The following MAGI2 variants were observed in gnomAD, a reference collection of about 807,000 sequenced individuals.
The protein encoded by MAGI2 is membrane associated guanylate kinase, WW and PDZ domain containing 2, also known as membrane-associated guanylate kinase, WW and PDZ domain-containing protein 2.
In MAGI2, 35 loss-of-function variants were observed where a neutral mutation model predicts 133.3. The ratio of observed to expected loss-of-function variants is 0.26; its 90% CI spans 0.20 to 0.35. The LOEUF (loss-of-function observed/expected upper bound fraction) is 0.35. Ranked by LOEUF, MAGI2 falls within the 10% of genes least tolerant of loss-of-function variation. MAGI2 has a pLI of 1.00. For synonymous variants in MAGI2, 729 were observed against 710.6 expected, an observed-to-expected ratio of 1.03 and a Z score of -0.41; for missense variants, 1,636 against 1,863.4, an observed-to-expected ratio of 0.88 and a Z score of 2.25.
chr7:78,262,314 T>C (rs1454414483), intron 9 of MAGI2, among the ~76,000 whole-genome samples: 4 of 152,212 alleles, frequency 2.6e-5, no homozygotes, highest in Admixed American at 6.5e-5. Flanking sequence ...TGTGTTACTT[T>C]ATAAATGACA....
intron 2 of MAGI2, among the ~76,000 whole-genome samples, chr7:78,989,284 A>C (rs1311214318): frequency 6.6e-6 from 1 of 152,094 alleles, no homozygotes; most frequent in Non-Finnish European, 1.5e-5. Flanking sequence ...ACCACCCGTC[A>C]TACTTTTATT....
At position 78,486,623 on chromosome 7, in the gene MAGI2, T is replaced by C. The variant is rs138933388; in HGVS notation, c.1045+3138A>G. 2,351 of 307,232 alleles carry C rather than the reference T, an allele frequency of 7.7e-3. 28 individuals carry two copies. Among genetic ancestry groups the C allele is most frequent in the South Asian group, 0.025 (632 of 24,854 alleles). 19.0% of individuals were successfully genotyped at this position (307,232 alleles called of 1,614,324 possible). Reference sequence around the variant, plus strand: ...AGATTGGGAGTTGTGGGTGCAGTGATTGAAGGAGGAATATCAGTCCCTTAT... The same window carrying C: ...AGATTGGGAGTTGTGGGTGCAGTGACTGAAGGAGGAATATCAGTCCCTTAT... On this transcript the variant is annotated intron_variant, in intron 6 of 21. Coordinates refer to ENST00000354212, the MANE Select transcript of MAGI2 (RefSeq NM_012301.4).
chr7:78,469,134 T>G (rs897928183), intron 6 of MAGI2, among the ~76,000 whole-genome samples: 1 of 152,170 alleles, frequency 6.6e-6, no homozygotes, highest in Non-Finnish European at 1.5e-5. Context: ...ATTTGACACC[T>G]TACACAAATA....
intron 10 of MAGI2, among the ~76,000 whole-genome samples, chr7:78,232,275 T>G (rs927109167): frequency 6.6e-6 from 1 of 152,228 alleles, no homozygotes; most frequent in African/African-American, 2.4e-5. Context: ...AGGATGATCC[T>G]TAGTTTATGA....
chr7:78,223,594 T>C (rs1414367883), intron 10 of MAGI2, among the ~76,000 whole-genome samples: 2 of 152,150 alleles, frequency 1.3e-5, no homozygotes, highest in African/African-American at 4.8e-5. Flanking sequence ...TTTCAAAATA[T>C]TAATATACTA....
chr7:78,131,837 G>A (rs1821592824), intron 18 of MAGI2, among the ~76,000 whole-genome samples: 1 of 152,130 alleles, frequency 6.6e-6, no homozygotes, highest in Non-Finnish European at 1.5e-5. Flanking sequence ...TAGATTGTGG[G>A]TAGGAGGATG....
rs146413590 is a variant in MAGI2 at position 78,740,239 on chromosome 7, T to G, written c.419-113000A>C. ...TTACTGGCCTTATTCTGGGGTCTCT[T>G]TTATTCCCTTATCCTTGTTATCACC... On this transcript the variant is annotated intron_variant, in intron 2 of 21. Transcript: ENST00000354212. Among the ~76,000 whole-genome samples, 63 of 152,262 alleles carry G rather than the reference T, an allele frequency of 4.1e-4. 1 individual carries two copies. The East Asian group carries it at 0.012, about 29-fold the overall frequency.
At chr7:78,505,066 A>T (rs1309448695) in intron 4 of MAGI2, among the ~76,000 whole-genome samples, 1 of 152,136 alleles carries the variant, frequency 6.6e-6, no homozygotes, top group African/African-American at 2.4e-5. Context: ...GTAAATTTGG[A>T]TGGGGGTGGA....
In MAGI2 at chr7:78,133,493, T is replaced by C. The variant is rs377609762; in HGVS notation, c.3032-433A>G. On this transcript the variant is annotated intron_variant, in intron 17 of 21. Coordinates refer to ENST00000354212, the MANE Select transcript of MAGI2 (RefSeq NM_012301.4). ...AAGGAATGAACCATAAAAAGAAAAA[T>C]GTTTTTTACAATCTTTTCCTCATCC... 5.3e-5 allele frequency among the ~76,000 whole-genome samples: 8 copies of C among 152,114 alleles called. No homozygotes were observed. The East Asian group carries it at 1.5e-3, about 29-fold the overall frequency.
intron 12 of MAGI2, among the ~76,000 whole-genome samples, chr7:78,189,564 A>G (rs772856347): frequency 4.6e-5 from 7 of 152,230 alleles, no homozygotes; most frequent in Non-Finnish European, 7.3e-5. Flanking sequence ...GAGTGTGGAC[A>G]TGGTGTACCT....
At chr7:78,952,067 T>A (rs1222733925) in intron 2 of MAGI2, among the ~76,000 whole-genome samples, 3 of 152,192 alleles carry the variant, frequency 2.0e-5, no homozygotes, top group Non-Finnish European at 2.9e-5. Flanking sequence ...GCCTGGCATT[T>A]CCATTTCTAA....
At chr7:78,606,002 G>A (rs1805770540) in intron 3 of MAGI2, among the ~76,000 whole-genome samples, 7 of 152,152 alleles carry the variant, frequency 4.6e-5, no homozygotes, top group Admixed American at 3.9e-4. Flanking sequence ...AGGGACATAG[G>A]GATTGGATAA....
chr7:78,557,796 C>A (rs989056980), intron 3 of MAGI2, among the ~76,000 whole-genome samples: 1 of 152,054 alleles, frequency 6.6e-6, no homozygotes, highest in Non-Finnish European at 1.5e-5. Flanking sequence ...CATTTCAGAG[C>A]GGATTTCAGT....
intron 1 of MAGI2, among the ~76,000 whole-genome samples, chr7:79,439,721 T>C (rs1002993060): frequency 2.0e-5 from 3 of 152,120 alleles, no homozygotes; most frequent in African/African-American, 7.2e-5. Context: ...TGCTAGAATA[T>C]TTTTTATCCT....
intron 1 of MAGI2, among the ~76,000 whole-genome samples, chr7:79,026,844 G>A (rs1294154099): frequency 2.7e-5 from 4 of 150,158 alleles, no homozygotes; most frequent in African/African-American, 9.8e-5. Context: ...TCCAGCCTGG[G>A]AGACAGAGCA....
chr7:79,157,551 C>G (rs1406235510), intron 1 of MAGI2, among the ~76,000 whole-genome samples: 1 of 79,142 alleles, frequency 1.3e-5, no homozygotes. Flanking sequence ...CTCAGATCCT[C>G]CTTTTAAGAA....
intron 3 of MAGI2, among the ~76,000 whole-genome samples, chr7:78,604,124 A>G (rs150398908): frequency 1.3e-5 from 2 of 152,354 alleles, no homozygotes; most frequent in South Asian, 2.1e-4. Flanking sequence ...TGACCATTTT[A>G]TTGATGAAAC....
chr7:78,048,877 G>A (rs930310490), intron 21 of MAGI2, among the ~76,000 whole-genome samples: 1 of 152,186 alleles, frequency 6.6e-6, no homozygotes, highest in Non-Finnish European at 1.5e-5. Context: ...GGGAGGCTGA[G>A]GCGGGTGGAT....
intron 11 of MAGI2, among the ~76,000 whole-genome samples, chr7:78,199,019 T>C (rs1286067441): frequency 6.6e-6 from 1 of 152,190 alleles, no homozygotes; most frequent in Non-Finnish European, 1.5e-5. Flanking sequence ...AGGAGGAAGC[T>C]AGAGCTCACC....
Sources: allele counts gnomAD v4.1 joint callset (sites outside exome capture counted in the v4.1 genomes callset), GRCh38; gene constraint gnomAD v4.1.1; transcripts MANE v1.5; gene names NCBI Gene and HGNC (gene_info 2026-07-23, HGNC 2026-07-21).